The following SIPA1L3 variants were observed in gnomAD, a reference collection of about 807,000 sequenced individuals.
SIPA1L3 encodes the protein signal induced proliferation associated 1 like 3.
Under a neutral mutation model 150.1 loss-of-function variants are expected in SIPA1L3, and 59 were observed. The ratio of observed to expected loss-of-function variants is 0.39; its 90% CI spans 0.32 to 0.49. The LOEUF (loss-of-function observed/expected upper bound fraction) is 0.49. Among genes scored for constraint, SIPA1L3 ranks in the 20% least tolerant of loss-of-function variants. The pLI is 0.86. For synonymous variants in SIPA1L3, 1,070 were observed against 1,077.6 expected (o/e 0.99, Z 0.14); for missense variants, 2,211 against 2,489.5 (o/e 0.89, Z 2.38).
intron 1 of SIPA1L3, among the ~76,000 whole-genome samples, chr19:37,974,507 G>A (rs373739569): frequency 2.1e-5 from 3 of 140,684 alleles, no homozygotes; most frequent in Non-Finnish European, 4.5e-5. Context: ...GAGTGAGACC[G>A]TGTCTCAAAA....
At position 38,089,240 on chromosome 19, in the gene SIPA1L3, C is replaced by T. The variant is rs183086771; in HGVS notation, c.1665+389C>T. Among the ~76,000 whole-genome samples, 9 of 150,774 alleles carry T rather than the reference C, an allele frequency of 6.0e-5. No individual in the cohort carries two copies. In the East Asian group the frequency reaches 1.8e-3, roughly 29 times the overall value. ...GACTGAGCCAGGTGAATTGCTTGAA[C>T]CTGAGAGGCAGAGGCTGCAGTGAGC... is the stretch of plus-strand genomic sequence containing the variant. On this transcript the variant is annotated intron_variant, in intron 4 of 21. Coordinates refer to ENST00000222345, the MANE Select transcript of SIPA1L3 (RefSeq NM_015073.3).
Position 38,155,102 on chromosome 19 carries a change from A to G in SIPA1L3, c.3661+2135A>G, listed in dbSNP as rs146566993. The stretch of plus-strand genomic sequence containing the variant: ...TAAGAAGGTGCCAAACTGTTTCCCA[A>G]AATGACAAAGCATCTTATACTCTGT... On this transcript the variant is annotated intron_variant, in intron 13 of 21. Transcript: ENST00000222345. Among the ~76,000 whole-genome samples the G allele has an allele frequency of 4.0e-3, 607 of 152,278 alleles. 7 individuals carry two copies. The highest frequency in any genetic ancestry group is 3.6e-3 in the Non-Finnish European group (245 of 68,030).
At chr19:38,125,774 A>T (rs1281398859) in intron 9 of SIPA1L3, among the ~76,000 whole-genome samples, 1 of 152,164 alleles carries the variant, frequency 6.6e-6, no homozygotes, top group Non-Finnish European at 1.5e-5. Flanking sequence ...TAATTGAATG[A>T]GTGTTGTTAT....
intron 1 of SIPA1L3, among the ~76,000 whole-genome samples, chr19:37,971,072 A>G (rs1966919531): frequency 6.6e-6 from 1 of 151,352 alleles, no homozygotes; most frequent in Non-Finnish European, 1.5e-5. Flanking sequence ...GATATAATTT[A>G]TGTGTGTTAA....
chr19:37,971,148 G>A (rs971927584), intron 1 of SIPA1L3, among the ~76,000 whole-genome samples: 2 of 151,434 alleles, frequency 1.3e-5, no homozygotes, highest in African/African-American at 4.9e-5. Flanking sequence ...TTGTTTGTTT[G>A]TTTGTTTGTT....
intron 1 of SIPA1L3, among the ~76,000 whole-genome samples, chr19:37,945,837 A>G (rs2046705821): frequency 3.3e-5 from 5 of 152,110 alleles, no homozygotes; most frequent in Admixed American, 3.3e-4. Context: ...TAGAGTTGCA[A>G]TTCCTGAAAC....
Position 38,206,545 on chromosome 19 carries a change from C to G in SIPA1L3, c.*305C>G, listed in dbSNP as rs1366483650. On this transcript the variant is annotated 3_prime_UTR_variant, in exon 22 of 22. Coordinates refer to ENST00000222345, the MANE Select transcript of SIPA1L3 (RefSeq NM_015073.3). The stretch of plus-strand genomic sequence containing the variant: ...CCCCGCTGTCCCCATCTAGCCTCTT[C>G]CTGGGACCAGCCCTTCGAAGCTGAT... The G allele has an allele frequency of 3.7e-6, 1 of 270,760 alleles. No individual in the cohort carries two copies. The highest frequency in any genetic ancestry group is 6.9e-6 in the Non-Finnish European group (1 of 144,414). 16.8% of individuals were successfully genotyped at this position (270,760 alleles called of 1,614,324 possible).
chr19:38,106,501 T>C (rs1437063018), intron 6 of SIPA1L3, 36 bp from the exon 7 acceptor site: 31 of 1,450,896 alleles, frequency 2.1e-5, no homozygotes, highest in Non-Finnish European at 2.7e-5. Context: ...CCCAGAGGTT[T>C]TGGAAACATG....
rs80302254 is a variant in SIPA1L3 at position 38,047,121 on chromosome 19, C to G, written c.-311+17965C>G. On this transcript the variant is annotated intron_variant, in intron 2 of 21. Coordinates refer to ENST00000222345, the MANE Select transcript of SIPA1L3 (RefSeq NM_015073.3). The surrounding 1 kb of genome is among the most constrained non-coding windows in gnomAD (Gnocchi z 4.7). ...AGGCACGGATAAGTTGGGTTGTTTGCGTGAGCCACACAGGTAGGAAGTGGC... is the reference window on the plus strand; with the variant it reads ...AGGCACGGATAAGTTGGGTTGTTTGGGTGAGCCACACAGGTAGGAAGTGGC... Among the ~76,000 whole-genome samples the G allele has an allele frequency of 1.3e-5, 2 of 152,106 alleles. No homozygotes were observed. The highest frequency in any genetic ancestry group is 1.5e-5 in the Non-Finnish European group (1 of 68,008).
chr19:37,969,155 G>GC (rs143858163), intron 1 of SIPA1L3, among the ~76,000 whole-genome samples: 2,638 of 152,200 alleles, frequency 0.017, 78 homozygotes, highest in East Asian at 0.065. Context: ...GATCACTTGA[G>GC]CTAGCTGTTC....
At chr19:37,930,788 G>C (rs1475609398) in intron 1 of SIPA1L3, among the ~76,000 whole-genome samples, 1 of 152,044 alleles carries the variant, frequency 6.6e-6, no homozygotes, top group Non-Finnish European at 1.5e-5. Flanking sequence ...TTGTTGGGAG[G>C]ATTCGAATGC....
chr19:38,112,776 A>C (rs1970795412), intron 8 of SIPA1L3, among the ~76,000 whole-genome samples: 1 of 151,278 alleles, frequency 6.6e-6, no homozygotes, highest in Non-Finnish European at 1.5e-5. Context: ...CTCTTTCCCC[A>C]CAGGCAGCTC....
At chr19:38,134,707 G>GAAAAA in intron 10 of SIPA1L3, among the ~76,000 whole-genome samples, 1 of 91,046 alleles carries the variant, frequency 1.1e-5, no homozygotes, top group Non-Finnish European at 2.0e-5. Flanking sequence ...TCTGTTTCAG[G>GAAAAA]AAAAAAAAAA....
chr19:37,950,414 C>T (rs1397986476), intron 1 of SIPA1L3, among the ~76,000 whole-genome samples: 1 of 152,192 alleles, frequency 6.6e-6, no homozygotes, highest in Non-Finnish European at 1.5e-5. Context: ...GGATTGATCT[C>T]AGCTCTGTGA....
intron 3 of SIPA1L3, among the ~76,000 whole-genome samples, chr19:38,083,729 G>A (rs1460141625): frequency 6.6e-6 from 1 of 152,134 alleles, no homozygotes; most frequent in Admixed American, 6.5e-5. Flanking sequence ...AGTGGCTCAC[G>A]CCTGTAATCC....
At chr19:38,033,152 G>A (rs1316320925) in intron 2 of SIPA1L3, among the ~76,000 whole-genome samples, 2 of 152,240 alleles carry the variant, frequency 1.3e-5, no homozygotes, top group Non-Finnish European at 2.9e-5. Flanking sequence ...GCCCTGCTCA[G>A]CTGGAGCCAG....
At chr19:38,097,796 G>A (rs1343563234) in intron 4 of SIPA1L3, among the ~76,000 whole-genome samples, 1 of 152,232 alleles carries the variant, frequency 6.6e-6, no homozygotes, top group African/African-American at 2.4e-5. Flanking sequence ...GACCTCAGGT[G>A]ATCTGCCCAC....
At chr19:38,134,459 A>G (rs1237559223) in intron 10 of SIPA1L3, among the ~76,000 whole-genome samples, 1 of 144,990 alleles carries the variant, frequency 6.9e-6, no homozygotes, top group Non-Finnish European at 1.5e-5. Context: ...CTGTAATCCC[A>G]GCACTTTCGG....
chr19:37,978,369 G>T (rs1967123584), intron 1 of SIPA1L3, among the ~76,000 whole-genome samples: 2 of 152,208 alleles, frequency 1.3e-5, no homozygotes, highest in Non-Finnish European at 2.9e-5. Flanking sequence ...CCCCATGAAT[G>T]ACTCTTAATA....
Sources: gnomAD v4.1 joint callset for allele counts (sites outside exome capture counted in the v4.1 genomes callset) on GRCh38, gnomAD v4.1.1 for gene constraint, Gnocchi (gnomAD v3.1) non-coding constraint, MANE v1.5 for transcripts, NCBI Gene and HGNC (gene_info 2026-07-23, HGNC 2026-07-21) for gene names.